Variants in PLD5 observed in about 807,000 individuals in gnomAD.
PLD5 encodes the protein inactive phospholipase D5.
PLD5 carries 36 observed loss-of-function variants against 61.1 expected under a neutral mutation model. That is an observed-to-expected ratio of 0.59 (90% CI 0.45 to 0.78). PLD5 has a LOEUF of 0.78. PLD5 is among the 30% of genes least tolerant of loss of function. The pLI is 0.00. For synonymous variants in PLD5, 243 were observed against 242.8 expected, an observed-to-expected ratio of 1.00 and a Z score of -0.01; for missense variants, 515 against 644.4, an observed-to-expected ratio of 0.80 and a Z score of 2.17.
In PLD5 at chr1:242,206,415, AC is replaced by A. The variant is rs559896048; in HGVS notation, c.735+13572del. Among the ~76,000 whole-genome samples the A allele has an allele frequency of 7.9e-5, 12 of 152,314 alleles. No individual in the cohort carries two copies. The South Asian group carries it at 2.5e-3, about 32-fold the overall frequency. On this transcript the variant is annotated intron_variant, in intron 5 of 9. Transcript: ENST00000536534. ...AGTCAGGGTTCTCCAGAGAAGCAGA[AC>A]CAACAGGATATGAATACATATGTAC...
At chr1:242,358,915 C>T (rs1030575247) in intron 1 of PLD5, among the ~76,000 whole-genome samples, 4 of 152,040 alleles carry the variant, frequency 2.6e-5, no homozygotes, top group Non-Finnish European at 5.9e-5. Context: ...GGAAATTCAC[C>T]ACCAGTGGGT....
At chr1:242,121,137 C>T (rs1045451230) in intron 6 of PLD5, among the ~76,000 whole-genome samples, 1 of 152,112 alleles carries the variant, frequency 6.6e-6, no homozygotes, top group African/African-American at 2.4e-5. Context: ...GCATATATTA[C>T]TGAGAAAACT....
At chr1:242,494,441 C>T (rs887052850) in intron 1 of PLD5, among the ~76,000 whole-genome samples, 2 of 152,052 alleles carry the variant, frequency 1.3e-5, no homozygotes, top group Non-Finnish European at 2.9e-5. Context: ...CATGGTTTTC[C>T]CATCACTTCT....
intron 1 of PLD5, among the ~76,000 whole-genome samples, chr1:242,473,967 C>T (rs1224773309): frequency 6.6e-6 from 1 of 152,038 alleles, no homozygotes; most frequent in East Asian, 1.9e-4. Flanking sequence ...GTGCAATTGC[C>T]TGTAAATCTG....
intron 1 of PLD5, among the ~76,000 whole-genome samples, chr1:242,470,527 A>G (rs1182311923): frequency 1.3e-5 from 2 of 152,164 alleles, no homozygotes; most frequent in African/African-American, 2.4e-5. Context: ...CAAGAATCAT[A>G]AAACCAACCA....
intron 3 of PLD5, among the ~76,000 whole-genome samples, chr1:242,276,453 A>G (rs370635): frequency 8.2e-5 from 9 of 109,590 alleles, no homozygotes; most frequent in Admixed American, 2.2e-4. Context: ...ATATGAATAT[A>G]TATGAATATT....
intron 9 of PLD5, among the ~76,000 whole-genome samples, chr1:242,099,333 G>T (rs1164542099): frequency 6.6e-6 from 1 of 151,998 alleles, no homozygotes; most frequent in Non-Finnish European, 1.5e-5. Context: ...CACCATGTTG[G>T]CCAAGCTGGT....
At chr1:242,396,673 CTT>C (rs1202041198) in intron 1 of PLD5, among the ~76,000 whole-genome samples, 2,877 of 129,522 alleles carry the variant, frequency 0.022, 84 homozygotes, top group East Asian at 0.11. Flanking sequence ...CTTTTCTTTT[CTT>C]TTTTTTTTTT....
At chr1:242,343,361 T>C (rs1172153444) in intron 2 of PLD5, among the ~76,000 whole-genome samples, 4 of 152,120 alleles carry the variant, frequency 2.6e-5, no homozygotes, top group Non-Finnish European at 5.9e-5. Flanking sequence ...AACAAAGTAA[T>C]TGGAAACTGA....
chr1:242,197,669 C>T (rs1054094095), intron 5 of PLD5, among the ~76,000 whole-genome samples: 2 of 149,280 alleles, frequency 1.3e-5, no homozygotes, highest in African/African-American at 2.5e-5. Context: ...GAGCCTTGCT[C>T]TGTCCCCCAG....
intron 5 of PLD5, among the ~76,000 whole-genome samples, chr1:242,139,685 C>T (rs1664015122): frequency 6.6e-6 from 1 of 152,178 alleles, no homozygotes; most frequent in South Asian, 2.1e-4. Flanking sequence ...TGTGGCATAA[C>T]TGGAAGTTCC....
At chr1:242,304,041 C>A (rs1218469078) in intron 2 of PLD5, among the ~76,000 whole-genome samples, 3 of 152,154 alleles carry the variant, frequency 2.0e-5, no homozygotes, top group African/African-American at 7.2e-5. Context: ...ACTTTCAAGT[C>A]TGATGCTTAT....
At chr1:242,225,575 C>T (rs1055259648) in intron 4 of PLD5, among the ~76,000 whole-genome samples, 7 of 150,226 alleles carry the variant, frequency 4.7e-5, no homozygotes, top group African/African-American at 1.2e-4. Context: ...CCACACATAA[C>T]GCATGTGAGA....
intron 4 of PLD5, among the ~76,000 whole-genome samples, chr1:242,260,126 A>C (rs1673298231): frequency 6.6e-6 from 1 of 152,130 alleles, no homozygotes; most frequent in Non-Finnish European, 1.5e-5. Flanking sequence ...AAGTGGGCAG[A>C]TCATGAGGTC....
chr1:242,152,705 C>T (rs940707167), intron 5 of PLD5, among the ~76,000 whole-genome samples: 13 of 152,028 alleles, frequency 8.6e-5, no homozygotes, highest in Admixed American at 3.3e-4. Context: ...TTTGTGGCTG[C>T]GTAGTATTCC....
chr1:242,424,642 T>G (rs1428131166), intron 1 of PLD5, among the ~76,000 whole-genome samples: 4 of 152,070 alleles, frequency 2.6e-5, no homozygotes, highest in African/African-American at 7.2e-5. Flanking sequence ...ATCTCCCAAA[T>G]TGGGTTTCCT....
At chr1:242,109,685 C>G (rs554266880) in intron 7 of PLD5, among the ~76,000 whole-genome samples, 3 of 152,100 alleles carry the variant, frequency 2.0e-5, no homozygotes, top group Admixed American at 1.3e-4. Context: ...AATTTTTCAC[C>G]CTTTTCTGAC....
At chr1:242,122,292 A>G (rs1420816180) in intron 6 of PLD5, among the ~76,000 whole-genome samples, 1 of 152,030 alleles carries the variant, frequency 6.6e-6, no homozygotes, top group East Asian at 1.9e-4. Flanking sequence ...ATCAACAAAA[A>G]ACTGACTCTT....
chr1:242,195,447 T>G (rs1209236588), intron 5 of PLD5, among the ~76,000 whole-genome samples: 1 of 152,266 alleles, frequency 6.6e-6, no homozygotes, highest in Non-Finnish European at 1.5e-5. Flanking sequence ...TGATGAAACA[T>G]TCTTCTCTTT....
Sources: gnomAD v4.1 joint callset for allele counts (sites outside exome capture counted in the v4.1 genomes callset) on GRCh38, gnomAD v4.1.1 for gene constraint, MANE v1.5 for transcripts, NCBI Gene and HGNC (gene_info 2026-07-23, HGNC 2026-07-21) for gene names.